Variants in LINC00305 observed in about 807,000 individuals in gnomAD.
The protein encoded by LINC00305 is long independently transcribed non-coding RNA 305.
At chr18:64,103,936 G>A (rs1390105258) in intron 1 of LINC00305, among the ~76,000 whole-genome samples, 2 of 152,144 alleles carry the variant, frequency 1.3e-5, no homozygotes, top group Non-Finnish European at 2.9e-5. Flanking sequence ...TTTCAAATAG[G>A]CAAATATTTA....
intron 1 of LINC00305, among the ~76,000 whole-genome samples, chr18:64,126,482 C>T (rs1030004954): frequency 2.0e-5 from 3 of 151,990 alleles, no homozygotes; most frequent in Non-Finnish European, 2.9e-5. Flanking sequence ...CTCGGCCATT[C>T]GGTTAGACAT....
intron 1 of LINC00305, among the ~76,000 whole-genome samples, chr18:64,120,165 G>T (rs2051355422): frequency 6.6e-6 from 1 of 152,092 alleles, no homozygotes. Context: ...AAGCTTACCT[G>T]TTAAATTTCC....
At chr18:64,145,164 T>C (rs1425599159) in intron 1 of LINC00305, among the ~76,000 whole-genome samples, 1 of 152,202 alleles carries the variant, frequency 6.6e-6, no homozygotes, top group Admixed American at 6.5e-5. Context: ...AATCATAGAT[T>C]ATGGAAAGAC....
At chr18:64,084,094 C>T (rs1458502379) in intron 3 of LINC00305, among the ~76,000 whole-genome samples, 1 of 152,226 alleles carries the variant, frequency 6.6e-6, no homozygotes, top group Non-Finnish European at 1.5e-5. Flanking sequence ...TGTGTTCTCA[C>T]ACCTTGAAGC....
At chr18:64,120,236 A>G (rs533591581) in intron 1 of LINC00305, among the ~76,000 whole-genome samples, 27 of 152,268 alleles carry the variant, frequency 1.8e-4, no homozygotes, top group African/African-American at 5.3e-4. Context: ...GATGTTTTGC[A>G]GAACAGATGC....
At chr18:64,143,843 TATACATACATAC>T (rs143221175) in intron 1 of LINC00305, among the ~76,000 whole-genome samples, 8 of 150,198 alleles carry the variant, frequency 5.3e-5, no homozygotes, top group African/African-American at 2.0e-4. Flanking sequence ...CTTATGTATG[TATACATACATAC>T]ATACATACAT....
At chr18:64,095,614 GCATTT>G (rs2051242169) in intron 3 of LINC00305, among the ~76,000 whole-genome samples, 1 of 152,262 alleles carries the variant, frequency 6.6e-6, no homozygotes, top group African/African-American at 2.4e-5. Context: ...ATTTACAACT[GCATTT>G]CATCATTAAA....
At chr18:64,080,378 C>T (rs1350821883) in exon 4 of LINC00305, 2 of 457,262 alleles carry the variant, frequency 4.4e-6, no homozygotes, top group African/African-American at 4.0e-5. Context: ...CTGGTTGTAA[C>T]CTTTTGAAAG....
intron 3 of LINC00305, among the ~76,000 whole-genome samples, chr18:64,081,043 G>C (rs1373213152): frequency 6.6e-6 from 1 of 152,154 alleles, no homozygotes; most frequent in Admixed American, 6.5e-5. Context: ...ATTGAAAATA[G>C]GGATAAACAC....
chr18:64,135,232 A>G (rs1215519480), intron 1 of LINC00305, among the ~76,000 whole-genome samples: 2 of 152,062 alleles, frequency 1.3e-5, no homozygotes, highest in Non-Finnish European at 1.5e-5. Context: ...CACCCTAATG[A>G]CCTCATTTTA....
At chr18:64,115,754 T>C (rs78422990) in intron 1 of LINC00305, among the ~76,000 whole-genome samples, 1,799 of 152,302 alleles carry the variant, frequency 0.012, 42 homozygotes, top group African/African-American at 0.041. Context: ...AAAATTGCAA[T>C]TTTAAATTCT....
intron 1 of LINC00305, among the ~76,000 whole-genome samples, chr18:64,133,708 C>T (rs1318610053): frequency 1.3e-5 from 2 of 152,124 alleles, no homozygotes; most frequent in East Asian, 3.9e-4. Context: ...GGTAAAAATC[C>T]TACTTACTTC....
chr18:64,088,538 A>C (rs2051212958), intron 3 of LINC00305, among the ~76,000 whole-genome samples: 1 of 152,234 alleles, frequency 6.6e-6, no homozygotes. Context: ...CAGAGTCAGT[A>C]AGTGGTAGAG....
intron 3 of LINC00305, among the ~76,000 whole-genome samples, chr18:64,092,190 G>A (rs1394365275): frequency 6.6e-6 from 1 of 152,170 alleles, no homozygotes; most frequent in Non-Finnish European, 1.5e-5. Context: ...GCCTTTTCTA[G>A]TTTCATGTTC....
intron 1 of LINC00305, among the ~76,000 whole-genome samples, chr18:64,144,906 CTG>C (rs1452414820): frequency 6.6e-6 from 1 of 152,222 alleles, no homozygotes; most frequent in Non-Finnish European, 1.5e-5. Context: ...GTTCATACCT[CTG>C]GGAGTGGAAT....
chr18:64,118,706 A>C (rs1382833710), intron 1 of LINC00305, among the ~76,000 whole-genome samples: 1 of 152,088 alleles, frequency 6.6e-6, no homozygotes, highest in Non-Finnish European at 1.5e-5. Context: ...AATTATGCTC[A>C]TAAGTTTTAA....
chr18:64,136,773 C>T (rs1022739859), intron 1 of LINC00305, among the ~76,000 whole-genome samples: 7 of 152,116 alleles, frequency 4.6e-5, no homozygotes, highest in South Asian at 2.1e-4. Context: ...TTGTGTGTGG[C>T]GCAAGTCCTT....
chr18:64,101,385 C>T (rs77643929), intron 1 of LINC00305, among the ~76,000 whole-genome samples: 39 of 152,192 alleles, frequency 2.6e-4, no homozygotes, highest in African/African-American at 7.0e-4. Flanking sequence ...TGTTGAGAGG[C>T]GCATGCTCTG....
At chr18:64,099,951 G>A (rs780480769) in intron 1 of LINC00305, among the ~76,000 whole-genome samples, 2 of 152,158 alleles carry the variant, frequency 1.3e-5, no homozygotes, top group Admixed American at 6.5e-5. Context: ...AAGGTGTTCC[G>A]TGTTGCCCTG....
Sources: allele counts gnomAD v4.1 joint callset (sites outside exome capture counted in the v4.1 genomes callset), GRCh38; gene constraint gnomAD v4.1.1; transcripts MANE v1.5; gene names NCBI Gene and HGNC (gene_info 2026-07-23, HGNC 2026-07-21).